The following SECISBP2L variants were observed in gnomAD, a reference collection of about 807,000 sequenced individuals.
SECISBP2L encodes selenocysteine insertion sequence-binding protein 2-like.
SECISBP2L carries 43 observed loss-of-function variants against 114.7 expected under a neutral mutation model. The ratio of observed to expected loss-of-function variants is 0.38; its 90% CI spans 0.29 to 0.48. The LOEUF (loss-of-function observed/expected upper bound fraction) is 0.48, where lower values mean the gene tolerates loss of function less well. Ranked by LOEUF, SECISBP2L falls within the 20% of genes least tolerant of loss-of-function variation. The pLI is 0.98. For missense variants in SECISBP2L, 1,136 were observed against 1,301.1 expected (o/e 0.87, Z 1.95); for synonymous variants, 451 against 439.7 (o/e 1.03, Z -0.32).
chr15:49,030,395 G>C (rs918006191), intron 4 of SECISBP2L, among the ~76,000 whole-genome samples: 2 of 152,140 alleles, frequency 1.3e-5, no homozygotes, highest in Non-Finnish European at 2.9e-5. Context: ...ACATTCATAG[G>C]AATGAGATGA....
At chr15:48,997,879 T>A (rs1332893027) in intron 16 of SECISBP2L, among the ~76,000 whole-genome samples, 1 of 151,164 alleles carries the variant, frequency 6.6e-6, no homozygotes, top group Non-Finnish European at 1.5e-5. Context: ...CAAAAAAAAA[T>A]AATAAGATGG....
chr15:49,033,863 T>A (rs1595795427), intron 3 of SECISBP2L, among the ~76,000 whole-genome samples: 1 of 152,172 alleles, frequency 6.6e-6, no homozygotes, highest in Non-Finnish European at 1.5e-5. Flanking sequence ...ATTAATAAAC[T>A]GATCTCTTCC....
rs1250063061 is a variant in SECISBP2L, at chr15:49,037,602, G to A, written c.192C>T (p.Asn64=). ...LITCYPFVQE[N]QSNRQFPLYN... The stretch of plus-strand genomic sequence containing the variant: ...AATAAACAAATTACCTATTGGACTG[G>A]TTTTCCTGCACAAATGGGTAACAAG... The change falls in exon 2 of 18, where the codon AAC becomes AAT. Residue 64 remains asparagine (N), a synonymous_variant. Transcript: ENST00000559471. The A allele has an allele frequency of 6.2e-7, 1 of 1,613,168 alleles. No homozygotes were observed. Among genetic ancestry groups the A allele is most frequent in the Non-Finnish European group, 8.5e-7 (1 of 1,179,752 alleles).
At chr15:48,999,511 A>G (rs1053709731) in intron 16 of SECISBP2L, among the ~76,000 whole-genome samples, 2 of 152,296 alleles carry the variant, frequency 1.3e-5, no homozygotes, top group South Asian at 2.1e-4. Flanking sequence ...GACTGAAGAA[A>G]TTACATTACG....
intron 17 of SECISBP2L, 87 bp downstream of exon 17, chr15:48,996,280 A>C (rs1319774960): frequency 1.5e-5 from 19 of 1,245,784 alleles, no homozygotes; most frequent in Middle Eastern, 2.4e-4. Context: ...ATAATCAAGA[A>C]TAAAGATTAA....
In SECISBP2L at chr15:48,992,494, G is replaced by T; in HGVS notation, c.3056C>A (p.Ser1019Tyr). 6.2e-7 allele frequency: 1 copy of T among 1,614,148 alleles called. No individual in the cohort carries two copies. The highest frequency in any genetic ancestry group is 1.1e-5 in the South Asian group (1 of 91,086). Residue 1019 changes from serine (S) to tyrosine (Y), a missense_variant, in exon 18 of 18, where the codon TCT becomes TAT. By Grantham distance (144) the Ser-to-Tyr change is moderately radical. This residue lies in a region of SECISBP2L where 684 missense variants were observed against 848.7 expected (regional missense o/e 0.81). Transcript: ENST00000559471. ...VEVQLNSRIESWVSETQRTME... is the reference protein window; with the variant it reads ...VEVQLNSRIEYWVSETQRTME... ...AGTTCTCTGGGTCTCTGAGACCCAA[G>T]ACTCAATTCTACTATTGAGCTGCAC... is the stretch of plus-strand genomic sequence containing the variant.
In SECISBP2L at chr15:49,028,588, A is replaced by G; in HGVS notation, c.759T>C (p.Pro253=). The G allele has an allele frequency of 6.2e-7, 1 of 1,614,120 alleles. No individual in the cohort carries two copies. The highest frequency in any genetic ancestry group is 8.5e-7 in the Non-Finnish European group (1 of 1,180,002). ...CCTGCTCACTAGAAGATTCAGCAGT[A>G]GGGTGGGATGCTCTTCTTCTCCTGC... The part of the protein sequence containing the change: ...SKGRRRRASH[P]TAESSSEQGA... The change falls in exon 5 of 18, where the codon CCT becomes CCC. Residue 253 remains proline (P), a synonymous_variant. Coordinates refer to ENST00000559471, the MANE Select transcript of SECISBP2L (RefSeq NM_001193489.2).
chr15:49,024,386 C>G (rs553929095), intron 7 of SECISBP2L, among the ~76,000 whole-genome samples: 15 of 151,708 alleles, frequency 9.9e-5, no homozygotes, highest in Non-Finnish European at 1.5e-4. Context: ...ATCCCAGCTA[C>G]TCAGGAGGCT....
intron 15 of SECISBP2L, among the ~76,000 whole-genome samples, chr15:49,000,612 C>G (rs942161745): frequency 1.3e-5 from 2 of 152,146 alleles, no homozygotes; most frequent in Non-Finnish European, 2.9e-5. Context: ...TCTGGCTAGA[C>G]CTCCATCTGA....
chr15:49,010,730 T>C (rs1304774935), intron 13 of SECISBP2L, among the ~76,000 whole-genome samples: 1 of 152,190 alleles, frequency 6.6e-6, no homozygotes, highest in Non-Finnish European at 1.5e-5. Context: ...CAGGCTGGTC[T>C]CAAACTCCTG....
chr15:49,001,703 A>G (rs1902213753), intron 14 of SECISBP2L: 2 of 152,170 alleles, frequency 1.3e-5, no homozygotes, highest in Admixed American at 1.3e-4. Flanking sequence ...ATGCGTGAAA[A>G]CATGCAGTGT....
intron 3 of SECISBP2L, among the ~76,000 whole-genome samples, chr15:49,034,900 C>T (rs566998366): frequency 8.6e-5 from 13 of 152,036 alleles, no homozygotes; most frequent in South Asian, 2.1e-4. Flanking sequence ...TGGGCTCAAG[C>T]GACTAGCCTG....
chr15:49,008,100 T>C (rs748596970), intron 14 of SECISBP2L, among the ~76,000 whole-genome samples: 2 of 152,202 alleles, frequency 1.3e-5, no homozygotes, highest in Non-Finnish European at 1.5e-5. Flanking sequence ...TTTCTAGTAA[T>C]CACCCCTCAT....
intron 2 of SECISBP2L, 110 bp from the exon 3 acceptor site, chr15:49,035,768 A>G (rs867667414): frequency 1.0e-4 from 103 of 1,026,866 alleles, no homozygotes; most frequent in South Asian, 3.7e-4. Context: ...CAGTGGCTTC[A>G]TGATAATTTT....
intron 1 of SECISBP2L, among the ~76,000 whole-genome samples, chr15:49,040,055 C>T (rs1454823792): frequency 6.6e-6 from 1 of 152,130 alleles, no homozygotes; most frequent in African/African-American, 2.4e-5. Context: ...GGTAGCAATA[C>T]ATTCAAATTC....
intron 1 of SECISBP2L, chr15:49,042,406 T>C (rs966543961): frequency 3.3e-5 from 5 of 152,232 alleles, no homozygotes; most frequent in Admixed American, 2.0e-4. Context: ...GTGATCTCAC[T>C]ACTGATCAGC....
Position 48,999,895 on chromosome 15 carries a change from G to A in SECISBP2L, c.2341C>T (p.Arg781Cys), listed in dbSNP as rs1236947580. 5 of 1,613,890 alleles carry A rather than the reference G, an allele frequency of 3.1e-6. No individual in the cohort carries two copies. The highest frequency in any genetic ancestry group is 3.3e-5 in the Admixed American group (2 of 59,974). Residue 781 changes from arginine to cysteine, a missense_variant, in exon 16 of 18, where the codon CGC (arginine) becomes TGC (cysteine). Coordinates refer to ENST00000559471, the MANE Select transcript of SECISBP2L (RefSeq NM_001193489.2). ...ACAGGAACCAGCTTGTTCACACAGC[G>A]TCCTAGAGCTTTCCTTCCAAGGGCA... The part of the protein sequence containing the change: ...VFALGRKALG[R>C]CVNKLVPVSV...
At chr15:49,040,558 C>T (rs1220181533) in intron 1 of SECISBP2L, among the ~76,000 whole-genome samples, 3 of 53,680 alleles carry the variant, frequency 5.6e-5, no homozygotes, top group South Asian at 5.8e-4. Flanking sequence ...TTTTTTGAGA[C>T]GGAGTCTTGC....
At chr15:49,006,309 G>A (rs1902322785) in intron 14 of SECISBP2L, among the ~76,000 whole-genome samples, 1 of 152,080 alleles carries the variant, frequency 6.6e-6, no homozygotes, top group African/African-American at 2.4e-5. Context: ...GCTAGGTTGG[G>A]GAAGTTCTCC....
Sources: allele counts gnomAD v4.1 joint callset (sites outside exome capture counted in the v4.1 genomes callset), GRCh38; gene constraint gnomAD v4.1.1; regional missense constraint gnomAD v4.1.1; transcripts MANE v1.5; gene names NCBI Gene and HGNC (gene_info 2026-07-23, HGNC 2026-07-21).